The following PRKAG2 variants were observed in gnomAD, a reference collection of about 807,000 sequenced individuals.
PRKAG2 encodes protein kinase AMP-activated non-catalytic subunit gamma 2.
A neutral mutation model predicts 69.6 loss-of-function variants in PRKAG2; 26 were observed. The ratio of observed to expected loss-of-function variants is 0.37; its 90% CI spans 0.27 to 0.52. The LOEUF (loss-of-function observed/expected upper bound fraction) is 0.52, where lower values mean the gene tolerates loss of function less well. Ranked by LOEUF, PRKAG2 falls within the 20% of genes least tolerant of loss-of-function variation. The pLI is 0.90. For missense variants in PRKAG2, 557 were observed against 740.0 expected (o/e 0.75, Z 2.87); for synonymous variants, 293 against 285.0 (o/e 1.03, Z -0.28).
Position 151,638,504 on chromosome 7 carries a change from C to T in PRKAG2, c.685-6366G>A, listed in dbSNP as rs572778250. The stretch of plus-strand genomic sequence containing the variant: ...CAAAAATTAGCCGGGCATGGTTGCG[C>T]ACACCTGTAGTCCCAGCTACTCGGG... On this transcript the variant is annotated intron_variant, in intron 4 of 15. Coordinates refer to ENST00000287878, the MANE Select transcript of PRKAG2 (RefSeq NM_016203.4). This position sits in a 1 kb window ranked among gnomAD's most constrained non-coding sequence, Gnocchi z 4.3. Among the ~76,000 whole-genome samples, 76 of 152,176 alleles carry T rather than the reference C, an allele frequency of 5.0e-4. No individual in the cohort carries two copies. The highest frequency in any genetic ancestry group is 1.5e-3 in the African/African-American group (62 of 41,524).
At chr7:151,840,684 A>AC (rs1041086011) in intron 1 of PRKAG2, among the ~76,000 whole-genome samples, 3 of 150,428 alleles carry the variant, frequency 2.0e-5, no homozygotes, top group Admixed American at 6.6e-5. Context: ...TGAAACATGA[A>AC]CCCCCCGGAC....
intron 1 of PRKAG2, among the ~76,000 whole-genome samples, chr7:151,864,064 G>A (rs974826177): frequency 1.3e-5 from 2 of 152,194 alleles, no homozygotes; most frequent in Admixed American, 6.5e-5. Flanking sequence ...GAGGAGAGAG[G>A]AGGGAGGTGA....
At position 151,719,384 on chromosome 7, in the gene PRKAG2, G is replaced by A. The variant is rs1304530029; in HGVS notation, c.467-43747C>T. On this transcript the variant is annotated intron_variant, in intron 3 of 15. Transcript: ENST00000287878. This position sits in a 1 kb window ranked among gnomAD's most constrained non-coding sequence, Gnocchi z 5.2. The stretch of plus-strand genomic sequence containing the variant: ...CTGGGGGAGCTGGGCTATAACTTCC[G>A]CTTCCCCCTTCACACAGAGACCATG... Among the ~76,000 whole-genome samples the A allele has an allele frequency of 2.0e-5, 3 of 152,008 alleles. No homozygotes were observed. The highest frequency in any genetic ancestry group is 4.8e-5 in the African/African-American group (2 of 41,396).
intron 5 of PRKAG2, among the ~76,000 whole-genome samples, chr7:151,625,598 G>C (rs1245109364): frequency 6.6e-6 from 1 of 152,200 alleles, no homozygotes; most frequent in Non-Finnish European, 1.5e-5. Context: ...CTGCTGGAAC[G>C]GTCCATAGGA....
intron 3 of PRKAG2, among the ~76,000 whole-genome samples, chr7:151,704,506 T>C (rs761143918): frequency 6.6e-6 from 1 of 152,232 alleles, no homozygotes; most frequent in Non-Finnish European, 1.5e-5. Flanking sequence ...TCTACCATCA[T>C]GTGTTTACCA....
chr7:151,784,714 A>T (rs1472332553), intron 2 of PRKAG2, among the ~76,000 whole-genome samples: 1 of 152,232 alleles, frequency 6.6e-6, no homozygotes, highest in Non-Finnish European at 1.5e-5. Context: ...TTGATGAGCA[A>T]GGGGGACCCC....
At chr7:151,582,108 T>C (rs1810620566) in intron 6 of PRKAG2, among the ~76,000 whole-genome samples, 1 of 152,070 alleles carries the variant, frequency 6.6e-6, no homozygotes, top group Non-Finnish European at 1.5e-5. Context: ...GAGGGAGGAA[T>C]TAATTAATTT....
At chr7:151,749,822 C>T (rs1563587454) in intron 3 of PRKAG2, among the ~76,000 whole-genome samples, 2 of 149,690 alleles carry the variant, frequency 1.3e-5, no homozygotes, top group Non-Finnish European at 3.0e-5. Flanking sequence ...CTGGGTCGGG[C>T]ATGGTGGCTC....
chr7:151,854,017 G>C (rs796804238), intron 1 of PRKAG2, among the ~76,000 whole-genome samples: 17 of 152,112 alleles, frequency 1.1e-4, no homozygotes, highest in African/African-American at 4.1e-4. Flanking sequence ...GGTCAGGCCT[G>C]TCCACCCGCT....
intron 5 of PRKAG2, among the ~76,000 whole-genome samples, chr7:151,616,377 T>C (rs993178658): frequency 5.9e-5 from 9 of 152,164 alleles, no homozygotes; most frequent in African/African-American, 2.2e-4. Flanking sequence ...TCACGACCAC[T>C]GACTATTATA....
At chr7:151,680,292 C>A (rs1411372787) in intron 3 of PRKAG2, among the ~76,000 whole-genome samples, 1 of 152,068 alleles carries the variant, frequency 6.6e-6, no homozygotes, top group African/African-American at 2.4e-5. Flanking sequence ...AAAAGCAGAG[C>A]CTGGAGACGC....
chr7:151,807,583 C>T lies in PRKAG2; in HGVS notation c.115-21042G>A, dbSNP rs766302917. 14 of 457,690 alleles carry T rather than the reference C, an allele frequency of 3.1e-5. No individual in the cohort carries two copies. Among genetic ancestry groups the T allele is most frequent in the African/African-American group, 6.0e-5 (3 of 50,062 alleles). 28.4% of individuals were successfully genotyped at this position (457,690 alleles called of 1,614,324 possible). ...ACCCAGCGTAGATGCACAGCTGCCA[C>T]GGAGGTAGGAAGAATGATTCGTTTG... On this transcript the variant is annotated intron_variant, in intron 1 of 15. Transcript: ENST00000287878. The surrounding 1 kb of genome is among the most constrained non-coding windows in gnomAD (Gnocchi z 4.4).
chr7:151,653,570 A>G (rs1828894259), intron 4 of PRKAG2, among the ~76,000 whole-genome samples: 1 of 152,190 alleles, frequency 6.6e-6, no homozygotes, highest in African/African-American at 2.4e-5. Flanking sequence ...GGCTGGGTGC[A>G]GTGGCTCATG....
At chr7:151,838,908 G>C (rs987385784) in intron 1 of PRKAG2, among the ~76,000 whole-genome samples, 2 of 151,316 alleles carry the variant, frequency 1.3e-5, no homozygotes, top group Non-Finnish European at 2.9e-5. Context: ...CCAGCTACTC[G>C]AGAGGCTTAG....
At chr7:151,795,879 ATATATATAT>A (rs2077502926) in intron 1 of PRKAG2, among the ~76,000 whole-genome samples, 5 of 115,874 alleles carry the variant, frequency 4.3e-5, no homozygotes, top group African/African-American at 1.8e-4. Flanking sequence ...ATATATATAT[ATATATATAT>A]ATCACGATAA....
intron 14 of PRKAG2, among the ~76,000 whole-genome samples, chr7:151,562,772 C>T (rs1210347085): frequency 1.3e-5 from 2 of 151,896 alleles, no homozygotes; most frequent in East Asian, 1.9e-4. Context: ...TCGAGACCAT[C>T]CTGGCTGACA....
chr7:151,798,397 C>A (rs532580855), intron 1 of PRKAG2, among the ~76,000 whole-genome samples: 1 of 152,122 alleles, frequency 6.6e-6, no homozygotes, highest in Admixed American at 6.5e-5. Context: ...TCACTTCAAC[C>A]TCCGCCTCCC....
intron 6 of PRKAG2, 45 bp from the exon 7 acceptor site, chr7:151,576,497 A>G: frequency 6.7e-7 from 1 of 1,490,928 alleles, no homozygotes; most frequent in Non-Finnish European, 9.3e-7. Context: ...AAAGTCCAGG[A>G]AGAAAAATAC....
At chr7:151,821,570 A>G (rs970491819) in intron 1 of PRKAG2, among the ~76,000 whole-genome samples, 16 of 152,144 alleles carry the variant, frequency 1.1e-4, no homozygotes, top group African/African-American at 3.4e-4. Flanking sequence ...AGGCTCCCCA[A>G]TTTAATTGAA....
Sources: gnomAD v4.1 joint callset for allele counts (sites outside exome capture counted in the v4.1 genomes callset) on GRCh38, gnomAD v4.1.1 for gene constraint, Gnocchi (gnomAD v3.1) non-coding constraint, MANE v1.5 for transcripts, NCBI Gene and HGNC (gene_info 2026-07-23, HGNC 2026-07-21) for gene names.